Variants in PDE4D observed in about 807,000 individuals in gnomAD.
PDE4D encodes phosphodiesterase 4D.
A neutral mutation model predicts 87.4 loss-of-function variants in PDE4D; 24 were observed. The observed-to-expected ratio is 0.27, with a 90% confidence interval of 0.20 to 0.39. The LOEUF (loss-of-function observed/expected upper bound fraction) is 0.39, where lower values mean the gene tolerates loss of function less well. Among genes scored for constraint, PDE4D ranks in the 10% least tolerant of loss-of-function variants. PDE4D has a pLI of 1.00. For missense variants in PDE4D, 714 were observed against 1,041.0 expected (o/e 0.69, Z 4.32); for synonymous variants, 384 against 383.2 (o/e 1.00, Z -0.02).
At chr5:59,287,609 G>A (rs1767214220) in intron 1 of PDE4D, among the ~76,000 whole-genome samples, 1 of 151,968 alleles carries the variant, frequency 6.6e-6, no homozygotes, top group Non-Finnish European at 1.5e-5. Flanking sequence ...CTTTGGGCAA[G>A]ACCCAGTGCT....
intron 1 of PDE4D, among the ~76,000 whole-genome samples, chr5:59,783,898 C>G (rs1457019468): frequency 2.0e-5 from 3 of 151,984 alleles, no homozygotes; most frequent in Non-Finnish European, 4.4e-5. Flanking sequence ...GAAACCCTAT[C>G]TCTACAAAAA....
At chr5:59,387,961 T>G (rs779728893) in intron 1 of PDE4D, among the ~76,000 whole-genome samples, 1 of 152,028 alleles carries the variant, frequency 6.6e-6, no homozygotes, top group Non-Finnish European at 1.5e-5. Flanking sequence ...CCCCCACCCA[T>G]CAGCCCTGGT....
intron 3 of PDE4D, among the ~76,000 whole-genome samples, chr5:59,186,815 C>T (rs1490412169): frequency 6.6e-6 from 1 of 152,162 alleles, no homozygotes; most frequent in African/African-American, 2.4e-5. Flanking sequence ...TGAAAGGTCA[C>T]GCTGCCTATG....
At chr5:59,119,469 A>T (rs1774129216) in intron 5 of PDE4D, among the ~76,000 whole-genome samples, 3 of 152,230 alleles carry the variant, frequency 2.0e-5, no homozygotes, top group Non-Finnish European at 4.4e-5. Context: ...AGAGCAGAGG[A>T]CATAGCCTAA....
intron 5 of PDE4D, among the ~76,000 whole-genome samples, chr5:59,156,476 G>A (rs1780242791): frequency 6.6e-6 from 1 of 151,234 alleles, no homozygotes; most frequent in Non-Finnish European, 1.5e-5. Context: ...AGGAGTGGGT[G>A]TACTATTCCT....
chr5:59,137,109 C>T (rs758269787), intron 5 of PDE4D, among the ~76,000 whole-genome samples: 48 of 152,174 alleles, frequency 3.2e-4, no homozygotes, highest in Non-Finnish European at 6.5e-4. Context: ...TTTCTGCCCC[C>T]ATCCTGGCTT....
chr5:59,097,395 A>C (rs143949428), intron 5 of PDE4D, among the ~76,000 whole-genome samples: 373 of 152,312 alleles, frequency 2.4e-3, no homozygotes, highest in Non-Finnish European at 3.5e-3. Flanking sequence ...GGGCTTAGTC[A>C]CACAGAGAAC....
In PDE4D at chr5:59,123,288, G is replaced by A. The variant is rs546916081; in HGVS notation, c.808+57307C>T. On this transcript the variant is annotated intron_variant, in intron 5 of 14. Coordinates refer to ENST00000340635, the MANE Select transcript of PDE4D (RefSeq NM_001104631.2). The stretch of plus-strand genomic sequence containing the variant: ...TCTGTCTTCAGCCATGAGCAATAGT[G>A]TATTTGCACTAAAAACGTTTCCATG... 7.2e-5 allele frequency among the ~76,000 whole-genome samples: 11 copies of A among 152,196 alleles called. No individual in the cohort carries two copies. In the South Asian group the frequency reaches 1.9e-3, roughly 26 times the overall value.
At chr5:60,084,478 G>C (rs899289341) in intron 2 of PDE4D, among the ~76,000 whole-genome samples, 1 of 152,028 alleles carries the variant, frequency 6.6e-6, no homozygotes, top group African/African-American at 2.4e-5. Flanking sequence ...TTTGGCAAAA[G>C]TGATTGGTCT....
At chr5:59,751,600 T>C (rs1760479543) in intron 1 of PDE4D, among the ~76,000 whole-genome samples, 1 of 151,032 alleles carries the variant, frequency 6.6e-6, no homozygotes, top group Non-Finnish European at 1.5e-5. Context: ...TGTGTGTGTG[T>C]GTGTGTGTGT....
intron 2 of PDE4D, among the ~76,000 whole-genome samples, chr5:60,001,710 T>C (rs1435706515): frequency 6.6e-6 from 1 of 152,042 alleles, no homozygotes; most frequent in Non-Finnish European, 1.5e-5. Flanking sequence ...TTAATGGATA[T>C]GCAATACAAA....
At chr5:60,200,982 A>G (rs563727712) in intron 1 of PDE4D, among the ~76,000 whole-genome samples, 1 of 152,314 alleles carries the variant, frequency 6.6e-6, no homozygotes, top group South Asian at 2.1e-4. Context: ...TCTTTCTCAA[A>G]TAGCCAATGT....
chr5:60,059,585 G>C (rs1235795708), intron 2 of PDE4D, among the ~76,000 whole-genome samples: 2 of 151,932 alleles, frequency 1.3e-5, no homozygotes, highest in African/African-American at 4.8e-5. Flanking sequence ...ATCTAGAAGG[G>C]ATATAAATAT....
intron 1 of PDE4D, among the ~76,000 whole-genome samples, chr5:60,267,238 G>A (rs1029114426): frequency 1.1e-4 from 16 of 152,164 alleles, no homozygotes; most frequent in African/African-American, 3.9e-4. Flanking sequence ...ATCTTCATCA[G>A]GGCCAGTTAT....
At chr5:59,874,350 A>G (rs1421603542) in intron 1 of PDE4D, among the ~76,000 whole-genome samples, 3 of 152,222 alleles carry the variant, frequency 2.0e-5, no homozygotes, top group African/African-American at 7.2e-5. Flanking sequence ...TATCACATCA[A>G]TTCCTTTTGA....
chr5:59,064,949 C>T (rs931514691), intron 5 of PDE4D, among the ~76,000 whole-genome samples: 2 of 151,946 alleles, frequency 1.3e-5, no homozygotes, highest in African/African-American at 2.4e-5. Context: ...TCCAAAAGAA[C>T]TGAAATCTGG....
chr5:59,684,905 C>T (rs1000510371), intron 1 of PDE4D, among the ~76,000 whole-genome samples: 3 of 152,184 alleles, frequency 2.0e-5, no homozygotes, highest in African/African-American at 7.2e-5. Context: ...CTTCTTTACT[C>T]AGAGTCAAAC....
At chr5:59,290,542 A>G (rs1379868253) in intron 1 of PDE4D, among the ~76,000 whole-genome samples, 2 of 152,074 alleles carry the variant, frequency 1.3e-5, no homozygotes, top group African/African-American at 4.8e-5. Flanking sequence ...AATACCCTAC[A>G]AGCATAGGCA....
chr5:59,238,939 C>T (rs1757075397), intron 1 of PDE4D, among the ~76,000 whole-genome samples: 1 of 152,106 alleles, frequency 6.6e-6, no homozygotes, highest in African/African-American at 2.4e-5. Context: ...TGCCTAGAGA[C>T]AACGTTAAGA....
Sources: allele counts gnomAD v4.1 joint callset (sites outside exome capture counted in the v4.1 genomes callset), GRCh38; gene constraint gnomAD v4.1.1; transcripts MANE v1.5; gene names NCBI Gene and HGNC (gene_info 2026-07-23, HGNC 2026-07-21).